ZNF148: variants seen among roughly 807,000 people sequenced by gnomAD.
The protein encoded by ZNF148 is zinc finger protein 148.
In ZNF148, 7 loss-of-function variants were observed where a neutral mutation model predicts 67.7. The ratio of observed to expected loss-of-function variants is 0.10; its 90% CI spans 0.06 to 0.19. The LOEUF (loss-of-function observed/expected upper bound fraction) is 0.19. ZNF148 is among the 10% of genes least tolerant of loss of function. ZNF148 has a pLI of 1.00. For synonymous variants in ZNF148, 333 were observed against 330.7 expected, an observed-to-expected ratio of 1.01 and a Z score of -0.08; for missense variants, 583 against 947.1, an observed-to-expected ratio of 0.62 and a Z score of 5.05.
chr3:125,329,338 TATAAAATTTTAC>T (rs1280835437), intron 2 of ZNF148, among the ~76,000 whole-genome samples: 10 of 10,502 alleles, frequency 9.5e-4, no homozygotes, highest in African/African-American at 4.1e-3. Context: ...TTTATATATA[TATAAAATTTTAC>T]ATATATAAAA....
At chr3:125,315,705 C>T (rs1940456344) in intron 3 of ZNF148, among the ~76,000 whole-genome samples, 1 of 80,596 alleles carries the variant, frequency 1.2e-5, no homozygotes, top group African/African-American at 3.7e-5. Flanking sequence ...AGGACTCCAT[C>T]TCAAAAAAAA....
chr3:125,246,849 C>A (rs1936621966), intron 7 of ZNF148, among the ~76,000 whole-genome samples: 1 of 152,148 alleles, frequency 6.6e-6, no homozygotes, highest in African/African-American at 2.4e-5. Flanking sequence ...CTAATAACTA[C>A]ATACCCAATA....
chr3:125,246,537 G>C (rs9816308), intron 7 of ZNF148, among the ~76,000 whole-genome samples: 11,548 of 151,988 alleles, frequency 0.076, 1,476 homozygotes, highest in African/African-American at 0.26. Context: ...ATATACCTCA[G>C]AGCCAAATGT....
intron 4 of ZNF148, among the ~76,000 whole-genome samples, chr3:125,288,623 G>C (rs1403904866): frequency 6.6e-6 from 1 of 151,938 alleles, no homozygotes; most frequent in African/African-American, 2.4e-5. Flanking sequence ...CAATACTAGG[G>C]AATAAAAGAG....
intron 6 of ZNF148, 109 bp from the exon 7 acceptor site, chr3:125,277,918 A>T: frequency 1.4e-6 from 1 of 731,560 alleles, no homozygotes; most frequent in Non-Finnish European, 2.1e-6. Context: ...GGAAAATTAC[A>T]AAATAGCCAT....
chr3:125,355,525 A>G (rs561792268), intron 1 of ZNF148, among the ~76,000 whole-genome samples: 1 of 152,348 alleles, frequency 6.6e-6, no homozygotes, highest in Non-Finnish European at 1.5e-5. Context: ...GGGAAAAAGA[A>G]GAAGACTGTT....
At chr3:125,254,695 CATTTT>C (rs1936992957) in intron 7 of ZNF148, among the ~76,000 whole-genome samples, 1 of 150,492 alleles carries the variant, frequency 6.6e-6, no homozygotes, top group South Asian at 2.1e-4. Context: ...TCATACACTG[CATTTT>C]TTTTTCATTA....
At chr3:125,310,533 T>C (rs906223288) in intron 4 of ZNF148, among the ~76,000 whole-genome samples, 5 of 151,832 alleles carry the variant, frequency 3.3e-5, no homozygotes, top group African/African-American at 1.2e-4. Flanking sequence ...CTAAAATGAA[T>C]ACGCTTCCAC....
chr3:125,233,916 T>C lies in ZNF148; in HGVS notation c.810A>G (p.Val270=), dbSNP rs558096760. The change falls in exon 9 of 9, where the codon GTA becomes GTG. Residue 270 remains valine, a synonymous_variant. Transcript: ENST00000360647. The surrounding 1 kb of genome is among the most constrained non-coding windows in gnomAD (Gnocchi z 5.1). ...CATGGCACATACGTTTATGTTTCAA[T>C]ACACGATCTGTTCTGGAAAAATACT... ...CLQYFSRTDR[V]LKHKRMCHEN... 3.8e-4 allele frequency: 607 copies of C among 1,607,278 alleles called. 8 individuals carry two copies. The South Asian group carries it at 6.4e-3, about 17-fold the overall frequency.
chr3:125,371,710 G>A (rs1037699988), intron 1 of ZNF148, among the ~76,000 whole-genome samples: 2 of 149,254 alleles, frequency 1.3e-5, no homozygotes, highest in Admixed American at 6.7e-5. Context: ...AAACATTCAA[G>A]GGTCATTTTA....
chr3:125,250,820 C>T (rs574099675), intron 7 of ZNF148, among the ~76,000 whole-genome samples: 80 of 151,644 alleles, frequency 5.3e-4, no homozygotes, highest in African/African-American at 1.9e-3. Context: ...CTCTATATTT[C>T]CTTTCTCCTG....
At chr3:125,304,391 CTAAG>C (rs1166187568) in intron 4 of ZNF148, among the ~76,000 whole-genome samples, 1 of 151,996 alleles carries the variant, frequency 6.6e-6, no homozygotes, top group Non-Finnish European at 1.5e-5. Context: ...TGCAATGTAT[CTAAG>C]TAAGAGTGCC....
chr3:125,245,932 C>A (rs1936578378), intron 7 of ZNF148, among the ~76,000 whole-genome samples: 1 of 152,130 alleles, frequency 6.6e-6, no homozygotes, highest in Non-Finnish European at 1.5e-5. Context: ...TTCTTCTGGC[C>A]CCTACCTTTC....
intron 1 of ZNF148, among the ~76,000 whole-genome samples, chr3:125,347,908 G>T (rs1942004556): frequency 6.6e-6 from 1 of 151,956 alleles, no homozygotes. Context: ...TAGAACCAAG[G>T]AATATCTACA....
chr3:125,299,402 C>A (rs1471055449), intron 4 of ZNF148, among the ~76,000 whole-genome samples: 1 of 152,174 alleles, frequency 6.6e-6, no homozygotes, highest in Non-Finnish European at 1.5e-5. Context: ...TGGTGACTTA[C>A]ACCTGTAATC....
chr3:125,265,365 A>G (rs1387677998), intron 7 of ZNF148, among the ~76,000 whole-genome samples: 1 of 152,230 alleles, frequency 6.6e-6, no homozygotes, highest in Non-Finnish European at 1.5e-5. Context: ...CAGCACCTCA[A>G]AAGTTTCCCA....
chr3:125,351,780 A>G (rs1238026551), intron 1 of ZNF148, among the ~76,000 whole-genome samples: 1 of 152,234 alleles, frequency 6.6e-6, no homozygotes, highest in African/African-American at 2.4e-5. Context: ...CAAATGGCCA[A>G]TAAGCAGATG....
At chr3:125,339,160 G>C (rs1941616660) in intron 1 of ZNF148, among the ~76,000 whole-genome samples, 1 of 152,084 alleles carries the variant, frequency 6.6e-6, no homozygotes, top group Admixed American at 6.5e-5. Flanking sequence ...TTACAGGTGT[G>C]AGCCACCATC....
At chr3:125,364,347 A>G (rs1942637522) in intron 1 of ZNF148, among the ~76,000 whole-genome samples, 1 of 152,200 alleles carries the variant, frequency 6.6e-6, no homozygotes, top group Admixed American at 6.5e-5. Flanking sequence ...TGCAGTGAGC[A>G]GACATCGCAC....
Sources: gnomAD v4.1 joint callset for allele counts (sites outside exome capture counted in the v4.1 genomes callset) on GRCh38, gnomAD v4.1.1 for gene constraint, Gnocchi (gnomAD v3.1) non-coding constraint, MANE v1.5 for transcripts, NCBI Gene and HGNC (gene_info 2026-07-23, HGNC 2026-07-21) for gene names.